Variants in PDZD2 observed in about 807,000 individuals in gnomAD.
The protein encoded by PDZD2 is PDZ domain-containing protein 2.
In PDZD2, 90 loss-of-function variants were observed where a neutral mutation model predicts 220.7. The ratio of observed to expected loss-of-function variants is 0.41; its 90% CI spans 0.34 to 0.49. The LOEUF (loss-of-function observed/expected upper bound fraction) is 0.49, where lower values mean the gene tolerates loss of function less well. PDZD2 is among the 20% of genes least tolerant of loss of function. The pLI is 0.28. For missense variants in PDZD2, 3,174 were observed against 3,608.5 expected (o/e 0.88, Z 3.08); for synonymous variants, 1,375 against 1,450.5 (o/e 0.95, Z 1.18).
chr5:32,097,204 C>T, intron 21 of PDZD2, 75 bp from the exon 22 acceptor site: 1 of 937,540 alleles, frequency 1.1e-6, no homozygotes, highest in Non-Finnish European at 1.8e-6. Flanking sequence ...TACTCCTGGC[C>T]CAAGGGGATA....
intron 13 of PDZD2, 44 bp from the exon 14 acceptor site, chr5:32,060,958 A>T: frequency 1.2e-6 from 2 of 1,609,106 alleles, no homozygotes; most frequent in Non-Finnish European, 1.7e-6. Context: ...AGCTTTAAGA[A>T]GCTGGCTGCT....
At chr5:31,915,201 G>A (rs750941240) in intron 2 of PDZD2, among the ~76,000 whole-genome samples, 7 of 152,144 alleles carry the variant, frequency 4.6e-5, no homozygotes, top group Non-Finnish European at 7.3e-5. Context: ...AATTGGAGAA[G>A]CATCCCTCAC....
rs200661900 is a variant in PDZD2 at position 32,088,654 on chromosome 5, C to T, written c.5206C>T (p.His1736Tyr). 12 of 1,613,938 alleles carry T rather than the reference C, an allele frequency of 7.4e-6. No individual in the cohort carries two copies. Among genetic ancestry groups the T allele is most frequent in the Admixed American group, 1.7e-5 (1 of 60,022 alleles). ...SSPNMVNGLEHDLLDDETLNQ... is the reference protein window; with the variant it reads ...SSPNMVNGLEYDLLDDETLNQ... ...CCCCAACATGGTAAATGGCTTGGAA[C>T]ATGACCTGCTAGATGACGAAACCCT... is the stretch of plus-strand genomic sequence containing the variant. Residue 1736 changes from histidine (H) to tyrosine (Y), a missense_variant, in exon 20 of 25, where the codon CAT becomes TAT. His to Tyr is a moderately conservative substitution (Grantham distance 83). Around this residue, in one of 4 missense-constraint regions of PDZD2, gnomAD observed 1,861 missense variants for 2,001.0 expected, o/e 0.93. Transcript: ENST00000438447. The surrounding 1 kb of genome is among the most constrained non-coding windows in gnomAD (Gnocchi z 4.6).
intron 1 of PDZD2, among the ~76,000 whole-genome samples, chr5:31,722,168 G>A (rs1435011134): frequency 1.3e-5 from 2 of 152,148 alleles, no homozygotes; most frequent in Non-Finnish European, 2.9e-5. Flanking sequence ...CAACAAAAAT[G>A]TCTCTTTTGC....
chr5:31,827,499 C>A (rs890629960), intron 2 of PDZD2, among the ~76,000 whole-genome samples: 1 of 151,906 alleles, frequency 6.6e-6, no homozygotes, highest in Non-Finnish European at 1.5e-5. Flanking sequence ...TCGAGACTAG[C>A]CTGGCCAACA....
At chr5:31,991,518 G>GC (rs1751206145) in intron 3 of PDZD2, among the ~76,000 whole-genome samples, 1 of 152,156 alleles carries the variant, frequency 6.6e-6, no homozygotes, top group Admixed American at 6.5e-5. Context: ...AGATGGGAAA[G>GC]CCAGGAGTAA....
intron 2 of PDZD2, chr5:31,908,902 T>G: frequency 2.5e-6 from 1 of 399,314 alleles, no homozygotes; most frequent in Non-Finnish European, 4.7e-6. Flanking sequence ...GAAAATTAGC[T>G]GGCTGTGGTT....
chr5:32,024,408 C>T (rs764434969), intron 6 of PDZD2, among the ~76,000 whole-genome samples: 1 of 152,150 alleles, frequency 6.6e-6, no homozygotes, highest in Non-Finnish European at 1.5e-5. Flanking sequence ...CGGGGCCGGG[C>T]ATGGTGGCTC....
At chr5:31,907,418 G>A (rs6867438) in intron 2 of PDZD2, among the ~76,000 whole-genome samples, 100,089 of 152,076 alleles carry the variant, frequency 0.66, 33,882 homozygotes, top group Middle Eastern at 0.76. Context: ...ATTACCTCCC[G>A]AAGCCCTTAT....
At position 32,089,252 on chromosome 5, in the gene PDZD2, T is replaced by C; in HGVS notation, c.5804T>C (p.Leu1935Pro). The C allele has an allele frequency of 6.2e-7, 1 of 1,614,026 alleles. No homozygotes were observed. The highest frequency in any genetic ancestry group is 8.5e-7 in the Non-Finnish European group (1 of 1,180,022). ...CTTTCTAAGGCAGTGTCACAGCGGC[T>C]CCATGTAGCCGACCACGAGGACCCT... ...KTLSKAVSQR[L>P]HVADHEDPDR... Residue 1935 changes from leucine to proline, a missense_variant, in exon 20 of 25, where the codon CTC becomes CCC. Leu to Pro is a moderately conservative substitution (Grantham distance 98). Transcript: ENST00000438447.
At chr5:31,965,626 G>T (rs112253527) in intron 2 of PDZD2, among the ~76,000 whole-genome samples, 1,656 of 152,236 alleles carry the variant, frequency 0.011, 27 homozygotes, top group African/African-American at 0.038. Context: ...TGGGCGCAGT[G>T]GTTCACTCCT....
intron 2 of PDZD2, among the ~76,000 whole-genome samples, chr5:31,839,977 C>T (rs946817669): frequency 6.6e-5 from 10 of 152,260 alleles, no homozygotes; most frequent in African/African-American, 2.4e-4. Context: ...AACTGTGAGC[C>T]AATTAAACCT....
rs1057039183 is a variant in PDZD2 at position 31,728,200 on chromosome 5, TAG to T, written c.-360-70687_-360-70686del. Among the ~76,000 whole-genome samples the T allele has an allele frequency of 6.1e-4, 92 of 151,968 alleles. 1 individual carries two copies. The highest frequency in any genetic ancestry group is 2.2e-3 in the African/African-American group (92 of 41,440). On this transcript the variant is annotated intron_variant, in intron 1 of 24. Coordinates refer to ENST00000438447, the MANE Select transcript of PDZD2 (RefSeq NM_178140.4). ...GCAGCATCTTCTGGCCTCTATGCAC[TAG>T]ATGCCAATAGCACAGCACTCCCCCA...
intron 2 of PDZD2, among the ~76,000 whole-genome samples, chr5:31,863,374 G>T (rs1179825248): frequency 6.6e-6 from 1 of 152,180 alleles, no homozygotes; most frequent in Non-Finnish European, 1.5e-5. Flanking sequence ...GCATTAGTTG[G>T]CAGGGAATTG....
In PDZD2 at chr5:32,098,626, C is replaced by G. The variant is rs1198891343; in HGVS notation, c.8210C>G (p.Pro2737Arg). The G allele has an allele frequency of 6.2e-7, 1 of 1,612,828 alleles. No homozygotes were observed. The highest frequency in any genetic ancestry group is 1.7e-5 in the Admixed American group (1 of 59,914). Reference sequence around the variant, plus strand: ...TCCAGAAAGACCATCCCCCTGGAGCCTGGCATTGGTAAGATGATCATTTCA... The same window carrying G: ...TCCAGAAAGACCATCCCCCTGGAGCGTGGCATTGGTAAGATGATCATTTCA... ...LLSRKTIPLE[P>R]GIGRSVAVHD... The change falls in exon 23 of 25, where the codon CCT (proline) becomes CGT (arginine). Residue 2737 changes from proline to arginine, a missense_variant. Around this residue, in one of 4 missense-constraint regions of PDZD2, gnomAD observed 631 missense variants for 789.9 expected, o/e 0.80. Coordinates refer to ENST00000438447, the MANE Select transcript of PDZD2 (RefSeq NM_178140.4). The surrounding 1 kb of genome is among the most constrained non-coding windows in gnomAD (Gnocchi z 4.1).
At chr5:32,097,684 CTT>C (rs1295418191) in intron 22 of PDZD2, among the ~76,000 whole-genome samples, 1 of 152,192 alleles carries the variant, frequency 6.6e-6, no homozygotes, top group Non-Finnish European at 1.5e-5. Context: ...ACTGGCCAAA[CTT>C]GTGTTTATAC....
chr5:31,698,326 T>C (rs925235341), intron 1 of PDZD2, among the ~76,000 whole-genome samples: 3 of 145,594 alleles, frequency 2.1e-5, no homozygotes, highest in African/African-American at 7.4e-5. Flanking sequence ...CCGGGTGCGG[T>C]GGCTCACGCC....
In PDZD2 at chr5:32,072,285, C is replaced by T. The variant is rs761729480; in HGVS notation, c.2693C>T (p.Ser898Leu). 1.5e-5 allele frequency: 24 copies of T among 1,613,654 alleles called. No individual in the cohort carries two copies. The highest frequency in any genetic ancestry group is 1.9e-5 in the Non-Finnish European group (22 of 1,179,820). ...EDHPGSGCST[S>L]EEGSLPPSTS... is the part of the protein sequence containing the mutation. Reference sequence around the variant, plus strand: ...CACCCGGGAAGTGGCTGCAGCACGTCGGAGGAGGGCAGCCTGCCTCCCAGC... The same window carrying T: ...CACCCGGGAAGTGGCTGCAGCACGTTGGAGGAGGGCAGCCTGCCTCCCAGC... Residue 898 changes from serine to leucine, a missense_variant, in exon 17 of 25, where the codon TCG (serine) becomes TTG (leucine). This residue lies in a region of PDZD2 where 1,861 missense variants were observed against 2,001.0 expected (regional missense o/e 0.93). Transcript: ENST00000438447.
At chr5:32,024,903 CTG>C (rs1310466996) in intron 6 of PDZD2, among the ~76,000 whole-genome samples, 1 of 152,182 alleles carries the variant, frequency 6.6e-6, no homozygotes. Flanking sequence ...ATGGGCATGA[CTG>C]TGTTCCAGTA....
Sources: gnomAD v4.1 joint callset for allele counts (sites outside exome capture counted in the v4.1 genomes callset) on GRCh38, gnomAD v4.1.1 for gene constraint, gnomAD v4.1.1 regional missense constraint, Gnocchi (gnomAD v3.1) non-coding constraint, MANE v1.5 for transcripts, NCBI Gene and HGNC (gene_info 2026-07-23, HGNC 2026-07-21) for gene names.